UGGT2: variants seen among roughly 807,000 people sequenced by gnomAD.
UGGT2 encodes the protein UDP-glucose:glycoprotein glucosyltransferase 2.
In UGGT2, 180 loss-of-function variants were observed where a neutral mutation model predicts 192.1. That is an observed-to-expected ratio of 0.94 (90% confidence interval 0.83 to 1.06). UGGT2 has a LOEUF of 1.06. Among genes scored for constraint, UGGT2 ranks in the 50% least tolerant of loss-of-function variants. The pLI is 0.00. For synonymous variants in UGGT2, 580 were observed against 591.0 expected, an observed-to-expected ratio of 0.98 and a Z score of 0.27; for missense variants, 1,849 against 1,795.7, an observed-to-expected ratio of 1.03 and a Z score of -0.54.
chr13:95,930,059 T>C (rs1459596836), intron 17 of UGGT2, among the ~76,000 whole-genome samples: 1 of 152,230 alleles, frequency 6.6e-6, no homozygotes, highest in Non-Finnish European at 1.5e-5. Flanking sequence ...CTTTATATGC[T>C]TGTTGGCCGC....
intron 4 of UGGT2, among the ~76,000 whole-genome samples, chr13:96,015,394 A>AC (rs1351576022): frequency 6.6e-6 from 1 of 152,146 alleles, no homozygotes; most frequent in Non-Finnish European, 1.5e-5. Context: ...GACTTTACAC[A>AC]CAAAGGTAAG....
At chr13:96,048,564 A>T (rs1252466305) in intron 1 of UGGT2, among the ~76,000 whole-genome samples, 1 of 152,142 alleles carries the variant, frequency 6.6e-6, no homozygotes, top group Non-Finnish European at 1.5e-5. Flanking sequence ...TTTTTTGAAA[A>T]GATCAACAAA....
chr13:95,839,446 T>C (rs1887634645), intron 36 of UGGT2, among the ~76,000 whole-genome samples: 1 of 152,234 alleles, frequency 6.6e-6, no homozygotes, highest in South Asian at 2.1e-4. Context: ...AAGGTCCATC[T>C]ATGCTGTGAC....
chr13:95,883,855 C>T (rs2047563064), intron 27 of UGGT2, among the ~76,000 whole-genome samples: 2 of 152,006 alleles, frequency 1.3e-5, no homozygotes, highest in Admixed American at 6.6e-5. Context: ...ATTCTAGATT[C>T]AACGTTTAAA....
At chr13:95,912,724 T>C (rs1190160180) in intron 20 of UGGT2, among the ~76,000 whole-genome samples, 4 of 152,062 alleles carry the variant, frequency 2.6e-5, no homozygotes, top group South Asian at 4.2e-4. Context: ...CTTCACAGAA[T>C]TGGAAAAAAC....
At chr13:95,900,068 T>G (rs2048059474) in intron 22 of UGGT2, among the ~76,000 whole-genome samples, 1 of 152,158 alleles carries the variant, frequency 6.6e-6, no homozygotes, top group South Asian at 2.1e-4. Context: ...ACAATTTGTA[T>G]GAAATAAGAC....
chr13:95,909,774 AATAAT>A (rs1437567507), intron 20 of UGGT2, among the ~76,000 whole-genome samples: 3 of 143,552 alleles, frequency 2.1e-5, no homozygotes, highest in Non-Finnish European at 3.0e-5. Flanking sequence ...TAATAATAAT[AATAAT>A]AAAAAAGATT....
chr13:95,983,049 G>T (rs558064154), intron 10 of UGGT2, among the ~76,000 whole-genome samples: 1 of 152,120 alleles, frequency 6.6e-6, no homozygotes. Flanking sequence ...CCTTTGCTTC[G>T]TTATTAGAAA....
chr13:95,871,979 A>AC (rs60971467), intron 29 of UGGT2, among the ~76,000 whole-genome samples: 3 of 151,846 alleles, frequency 2.0e-5, no homozygotes, highest in Non-Finnish European at 4.4e-5. Context: ...TCCTACAAAA[A>AC]CATGGGAGAA....
intron 20 of UGGT2, among the ~76,000 whole-genome samples, chr13:95,904,567 T>C (rs903266996): frequency 2.0e-5 from 3 of 151,564 alleles, no homozygotes; most frequent in South Asian, 2.1e-4. Context: ...GTTCTTGCGA[T>C]AGTTTACTGA....
At chr13:96,043,226 C>G (rs142212590) in intron 1 of UGGT2, among the ~76,000 whole-genome samples, 115 of 152,238 alleles carry the variant, frequency 7.6e-4, no homozygotes, top group African/African-American at 2.6e-3. Flanking sequence ...GCCTCTTAAA[C>G]AAAACAATTA....
At chr13:95,974,109 C>G (rs2050862523) in intron 10 of UGGT2, among the ~76,000 whole-genome samples, 1 of 152,162 alleles carries the variant, frequency 6.6e-6, no homozygotes, top group Non-Finnish European at 1.5e-5. Context: ...GATTATCACT[C>G]AACAGATGAG....
intron 29 of UGGT2, among the ~76,000 whole-genome samples, chr13:95,875,525 G>A (rs1170643355): frequency 6.6e-6 from 1 of 152,140 alleles, no homozygotes; most frequent in Non-Finnish European, 1.5e-5. Context: ...TATGTGTACT[G>A]TATTAACTTT....
chr13:95,910,313 A>G (rs2048448103), intron 20 of UGGT2, among the ~76,000 whole-genome samples: 1 of 152,220 alleles, frequency 6.6e-6, no homozygotes, highest in African/African-American at 2.4e-5. Flanking sequence ...ATAAAGAGTC[A>G]AGACCCATCA....
chr13:95,872,746 T>C (rs764143037), intron 29 of UGGT2, among the ~76,000 whole-genome samples: 4 of 152,278 alleles, frequency 2.6e-5, no homozygotes, highest in Admixed American at 2.0e-4. Context: ...GTACTTCAAA[T>C]ATAACATCAA....
intron 5 of UGGT2, among the ~76,000 whole-genome samples, chr13:96,009,507 C>T (rs1463172592): frequency 2.0e-5 from 3 of 152,160 alleles, no homozygotes; most frequent in Non-Finnish European, 4.4e-5. Flanking sequence ...AAATAAACAG[C>T]CCCATTAAAA....
chr13:95,969,977 T>C (rs542590357), intron 12 of UGGT2, 135 bp downstream of exon 12: 66 of 855,838 alleles, frequency 7.7e-5, no homozygotes, highest in South Asian at 1.7e-4. Context: ...GATGGGTCTA[T>C]AGTTTGACTT....
At chr13:95,872,052 T>C (rs1289940038) in intron 29 of UGGT2, among the ~76,000 whole-genome samples, 1 of 152,078 alleles carries the variant, frequency 6.6e-6, no homozygotes, top group Non-Finnish European at 1.5e-5. Context: ...GCAGAAAAGA[T>C]TTTTCTAAAG....
intron 38 of UGGT2, among the ~76,000 whole-genome samples, chr13:95,825,731 T>C (rs538547744): frequency 1.3e-5 from 2 of 152,288 alleles, no homozygotes; most frequent in African/African-American, 2.4e-5. Context: ...TCTGCCTGAA[T>C]GTTGGGGTAC....
Sources: gnomAD v4.1 joint callset for allele counts (sites outside exome capture counted in the v4.1 genomes callset) on GRCh38, gnomAD v4.1.1 for gene constraint, MANE v1.5 for transcripts, NCBI Gene and HGNC (gene_info 2026-07-23, HGNC 2026-07-21) for gene names.